The following MARCHF1 variants were observed in gnomAD, a reference collection of about 807,000 sequenced individuals.
The protein encoded by MARCHF1 is membrane associated ring-CH-type finger 1, also known as E3 ubiquitin-protein ligase MARCHF1.
Under a neutral mutation model 54.2 loss-of-function variants are expected in MARCHF1, and 40 were observed. That is an observed-to-expected ratio of 0.74 (90% CI 0.57 to 0.96). The LOEUF (loss-of-function observed/expected upper bound fraction) is 0.96. Among genes scored for constraint, MARCHF1 ranks in the 40% least tolerant of loss-of-function variants. The pLI is 0.00. For synonymous variants in MARCHF1, 236 were observed against 236.3 expected (o/e 1.00, Z 0.01); for missense variants, 586 against 656.5 (o/e 0.89, Z 1.17).
chr4:164,000,341 A>G (rs1753162230), intron 2 of MARCHF1, among the ~76,000 whole-genome samples: 1 of 151,816 alleles, frequency 6.6e-6, no homozygotes, highest in South Asian at 2.1e-4. Context: ...AGTGTTCAGC[A>G]AGACATTATT....
chr4:164,024,210 G>A (rs1325991765), intron 2 of MARCHF1, among the ~76,000 whole-genome samples: 2 of 151,996 alleles, frequency 1.3e-5, no homozygotes, highest in Non-Finnish European at 2.9e-5. Flanking sequence ...TACAGAGCTT[G>A]ACATACAAAT....
intron 2 of MARCHF1, among the ~76,000 whole-genome samples, chr4:164,099,599 T>C (rs1307084785): frequency 6.6e-6 from 1 of 152,142 alleles, no homozygotes; most frequent in Non-Finnish European, 1.5e-5. Flanking sequence ...TTCTTTTCAA[T>C]ATCAAATTCA....
At chr4:164,155,272 C>A (rs1268217995) in intron 1 of MARCHF1, among the ~76,000 whole-genome samples, 1 of 151,908 alleles carries the variant, frequency 6.6e-6, no homozygotes, top group Non-Finnish European at 1.5e-5. Flanking sequence ...ATTTCCCTGT[C>A]TCCTGTCCAT....
At chr4:163,601,332 T>C (rs1740957510) in intron 7 of MARCHF1, among the ~76,000 whole-genome samples, 1 of 152,032 alleles carries the variant, frequency 6.6e-6, no homozygotes, top group Admixed American at 6.6e-5. Flanking sequence ...ATATAGGGAA[T>C]CTAAATTTAA....
chr4:163,979,530 T>C (rs1752719163), intron 3 of MARCHF1, among the ~76,000 whole-genome samples: 1 of 148,982 alleles, frequency 6.7e-6, no homozygotes, highest in Admixed American at 6.7e-5. Context: ...CATTTGGGTA[T>C]ATACCCAGTA....
At chr4:164,212,764 A>C (rs1375493722) in intron 1 of MARCHF1, among the ~76,000 whole-genome samples, 1 of 152,128 alleles carries the variant, frequency 6.6e-6, no homozygotes, top group Non-Finnish European at 1.5e-5. Flanking sequence ...CAAGATGCTA[A>C]GAATTCTCCC....
At chr4:164,228,834 C>T (rs59196883) in intron 1 of MARCHF1, among the ~76,000 whole-genome samples, 4,064 of 152,118 alleles carry the variant, frequency 0.027, 160 homozygotes, top group East Asian at 0.16. Context: ...AAATCCTAGT[C>T]TTAATAGAGG....
intron 1 of MARCHF1, among the ~76,000 whole-genome samples, chr4:164,186,597 T>A (rs1730977006): frequency 6.6e-6 from 1 of 152,198 alleles, no homozygotes; most frequent in African/African-American, 2.4e-5. Context: ...GGAAAAGCTC[T>A]CCCACTCCCA....
intron 2 of MARCHF1, among the ~76,000 whole-genome samples, chr4:164,014,962 G>A (rs978014143): frequency 6.6e-6 from 1 of 152,048 alleles, no homozygotes; most frequent in Admixed American, 6.6e-5. Context: ...TTCAGCATTG[G>A]ACAGACCATC....
chr4:163,939,945 G>T (rs909776774), intron 3 of MARCHF1, among the ~76,000 whole-genome samples: 8 of 152,142 alleles, frequency 5.3e-5, no homozygotes, highest in Non-Finnish European at 8.8e-5. Flanking sequence ...TTGATATGTT[G>T]AAATCCTAAA....
intron 1 of MARCHF1, among the ~76,000 whole-genome samples, chr4:164,142,358 C>G (rs1050253794): frequency 2.0e-5 from 3 of 152,154 alleles, no homozygotes; most frequent in Non-Finnish European, 4.4e-5. Flanking sequence ...TAGGCTCCAC[C>G]TCTGGGGGCA....
chr4:163,743,088 G>A (rs1746255735), intron 4 of MARCHF1, among the ~76,000 whole-genome samples: 3 of 152,150 alleles, frequency 2.0e-5, no homozygotes, highest in Admixed American at 6.5e-5. Context: ...TAAAGCATTT[G>A]CTTTAAACAA....
intron 1 of MARCHF1, among the ~76,000 whole-genome samples, chr4:164,364,795 A>T (rs1413486631): frequency 6.7e-6 from 1 of 150,324 alleles, no homozygotes. Flanking sequence ...TCTTTCACAT[A>T]TTTCCCTCAC....
intron 1 of MARCHF1, among the ~76,000 whole-genome samples, chr4:164,165,903 T>C (rs774133538): frequency 6.6e-6 from 1 of 152,008 alleles, no homozygotes; most frequent in Non-Finnish European, 1.5e-5. Context: ...TTGTGGACAG[T>C]GGAGAGCAAA....
chr4:164,082,318 T>C (rs1325097472), intron 2 of MARCHF1, among the ~76,000 whole-genome samples: 1 of 152,220 alleles, frequency 6.6e-6, no homozygotes, highest in African/African-American at 2.4e-5. Flanking sequence ...AGATGCTTCA[T>C]TTCTTAGTGC....
chr4:163,748,698 G>A lies in MARCHF1; in HGVS notation c.112-47835C>T, dbSNP rs114891323. Among the ~76,000 whole-genome samples the A allele has an allele frequency of 7.5e-3, 1,147 of 152,318 alleles. 7 individuals carry two copies. Among genetic ancestry groups the A allele is most frequent in the South Asian group, 0.021 (102 of 4,826 alleles). Reference sequence around the variant, plus strand: ...CTCAGGGCCAGGGATCGCCTTTCAAGCCTATGTGAGCAGTGTGGCTGCACA... The same window carrying A: ...CTCAGGGCCAGGGATCGCCTTTCAAACCTATGTGAGCAGTGTGGCTGCACA... On this transcript the variant is annotated intron_variant, in intron 4 of 9. Coordinates refer to ENST00000514618, the MANE Select transcript of MARCHF1 (RefSeq NM_001394959.1).
chr4:163,682,785 G>A (rs1744147146), intron 5 of MARCHF1, among the ~76,000 whole-genome samples: 1 of 152,122 alleles, frequency 6.6e-6, no homozygotes, highest in South Asian at 2.1e-4. Context: ...TGTGAAGAAG[G>A]ACATGTTTGC....
chr4:163,618,069 T>C (rs1214955927), intron 5 of MARCHF1, among the ~76,000 whole-genome samples: 1 of 152,192 alleles, frequency 6.6e-6, no homozygotes, highest in Non-Finnish European at 1.5e-5. Flanking sequence ...CATTTATGTC[T>C]ACAGCCCTTA....
intron 1 of MARCHF1, among the ~76,000 whole-genome samples, chr4:164,248,086 C>T (rs1040097128): frequency 6.6e-6 from 1 of 151,836 alleles, no homozygotes; most frequent in Non-Finnish European, 1.5e-5. Context: ...TACAACCACA[C>T]ACAAGTCAGG....
Sources: allele counts gnomAD v4.1 joint callset (sites outside exome capture counted in the v4.1 genomes callset), GRCh38; gene constraint gnomAD v4.1.1; transcripts MANE v1.5; gene names NCBI Gene and HGNC (gene_info 2026-07-23, HGNC 2026-07-21).